MCTP1: variants seen among roughly 807,000 people sequenced by gnomAD.
MCTP1 encodes the protein multiple C2 and transmembrane domain-containing protein 1.
A neutral mutation model predicts 120.6 loss-of-function variants in MCTP1; 69 were observed. The ratio of observed to expected loss-of-function variants is 0.57; its 90% CI spans 0.47 to 0.70. The LOEUF is 0.70. MCTP1 is among the 30% of genes least tolerant of loss of function. The probability of loss-of-function intolerance (pLI) is 0.00; values close to 1 mark genes in which losing one functional copy is unlikely to be tolerated. For missense variants in MCTP1, 1,203 were observed against 1,248.8 expected, an observed-to-expected ratio of 0.96 and a Z score of 0.55; for synonymous variants, 529 against 493.1, an observed-to-expected ratio of 1.07 and a Z score of -0.96.
chr5:95,217,016 T>C lies in MCTP1; in HGVS notation c.720+66840A>G, dbSNP rs546369669. ...AGGGTATATCACTAGCAGATGCGTA[T>C]ATACAGCCCTAGTGGAATCCACAAC... On this transcript the variant is annotated intron_variant, in intron 1 of 22. Transcript: ENST00000515393. Among the ~76,000 whole-genome samples the C allele has an allele frequency of 1.5e-3, 223 of 152,326 alleles. 1 individual carries two copies. The highest frequency in any genetic ancestry group is 3.5e-3 in the Admixed American group (53 of 15,296).
intron 1 of MCTP1, chr5:95,037,990 T>C (rs1841653608): frequency 7.7e-6 from 2 of 260,772 alleles, no homozygotes; most frequent in Non-Finnish European, 1.2e-5. Flanking sequence ...CTTGCTTTGA[T>C]TCTACAAATA....
intron 2 of MCTP1, among the ~76,000 whole-genome samples, chr5:95,007,384 G>A (rs1703684156): frequency 6.6e-6 from 1 of 152,158 alleles, no homozygotes; most frequent in South Asian, 2.1e-4. Context: ...AGCACATGTG[G>A]TAAGGTGGCA....
At chr5:94,959,583 A>G (rs1823607190) in intron 2 of MCTP1, among the ~76,000 whole-genome samples, 1 of 152,232 alleles carries the variant, frequency 6.6e-6, no homozygotes, top group South Asian at 2.1e-4. Context: ...TCAGGATACA[A>G]AGTCAATGTG....
At position 94,940,126 on chromosome 5, in the gene MCTP1, G is replaced by C. The variant is rs756948097; in HGVS notation, c.1131C>G (p.Leu377=). Residue 377 remains leucine, a synonymous_variant, in exon 5 of 23, where the codon CTC becomes CTG. Coordinates refer to ENST00000515393, the MANE Select transcript of MCTP1 (RefSeq NM_024717.7). Reference sequence around the variant, plus strand: ...CTTCTTTAGGGGTAAGGATGACTGAGAGCAAAATGATTCCAAGATCATGGT... The same window carrying C: ...CTTCTTTAGGGGTAAGGATGACTGACAGCAAAATGATTCCAAGATCATGGT... The part of the protein sequence containing the change: ...YPDHDLGIIL[L]SVILTPKEGE... The C allele has an allele frequency of 9.3e-6, 15 of 1,610,058 alleles. No homozygotes were observed. Among genetic ancestry groups the C allele is most frequent in the Non-Finnish European group, 1.3e-5 (15 of 1,177,288 alleles).
At chr5:94,803,302 T>A (rs1262407869) in intron 17 of MCTP1, among the ~76,000 whole-genome samples, 1 of 152,232 alleles carries the variant, frequency 6.6e-6, no homozygotes, top group Non-Finnish European at 1.5e-5. Context: ...TTGAGAGTTT[T>A]ACTCATTATC....
chr5:94,912,431 A>G (rs1238343634), intron 9 of MCTP1, among the ~76,000 whole-genome samples: 2 of 35,346 alleles, frequency 5.7e-5, no homozygotes, highest in East Asian at 8.6e-4. Context: ...ACTCCATCAA[A>G]AAAAAAAAAA....
intron 2 of MCTP1, among the ~76,000 whole-genome samples, chr5:94,963,354 A>ATTTTT (rs754461255): frequency 7.3e-6 from 1 of 136,754 alleles, no homozygotes; most frequent in Non-Finnish European, 1.6e-5. Flanking sequence ...TTGTAATTCT[A>ATTTTT]TTTTTTTTTT....
intron 19 of MCTP1, among the ~76,000 whole-genome samples, chr5:94,727,889 T>TC (rs1278974507): frequency 1.3e-5 from 2 of 152,094 alleles, no homozygotes; most frequent in East Asian, 2.0e-4. Flanking sequence ...ATAATAGAGT[T>TC]CTTCAATGAA....
intron 1 of MCTP1, among the ~76,000 whole-genome samples, chr5:95,195,740 T>C (rs867820364): frequency 6.6e-6 from 1 of 151,764 alleles, no homozygotes; most frequent in African/African-American, 2.4e-5. Flanking sequence ...ATGTAAACAA[T>C]AATTCCTAGA....
intron 1 of MCTP1, among the ~76,000 whole-genome samples, chr5:95,095,749 T>C (rs1756211901): frequency 6.6e-6 from 1 of 152,218 alleles, no homozygotes; most frequent in Non-Finnish European, 1.5e-5. Context: ...TTGTACCTTA[T>C]GTTGAATTTG....
chr5:95,059,208 C>CAT (rs60609185), intron 1 of MCTP1, among the ~76,000 whole-genome samples: 93,804 of 149,492 alleles, frequency 0.63, 29,340 homozygotes, highest in Non-Finnish European at 0.68. Flanking sequence ...GAAAATGTGG[C>CAT]ATATATATAT....
At chr5:94,983,639 TTATC>T (rs1163979447) in intron 2 of MCTP1, among the ~76,000 whole-genome samples, 1 of 67,060 alleles carries the variant, frequency 1.5e-5, no homozygotes, top group Non-Finnish European at 3.4e-5. Context: ...GATCCTATCT[TTATC>T]TGTCTGTCTG....
At chr5:94,800,470 T>C (rs986156641) in intron 17 of MCTP1, among the ~76,000 whole-genome samples, 2 of 152,158 alleles carry the variant, frequency 1.3e-5, no homozygotes, top group African/African-American at 2.4e-5. Context: ...GTCTTCTTAA[T>C]AAATCTCAGT....
At chr5:95,026,284 T>C (rs1171707781) in intron 1 of MCTP1, among the ~76,000 whole-genome samples, 1 of 152,190 alleles carries the variant, frequency 6.6e-6, no homozygotes, top group Non-Finnish European at 1.5e-5. Flanking sequence ...CATTTACCCT[T>C]TGCGTTACAT....
At chr5:95,174,288 AT>A (rs1747712697) in intron 1 of MCTP1, among the ~76,000 whole-genome samples, 1 of 152,112 alleles carries the variant, frequency 6.6e-6, no homozygotes, top group African/African-American at 2.4e-5. Context: ...TGTCCAGCAC[AT>A]TTTTTTCAAA....
At chr5:95,166,604 G>A (rs752411010) in intron 1 of MCTP1, among the ~76,000 whole-genome samples, 10 of 128,858 alleles carry the variant, frequency 7.8e-5, no homozygotes, top group African/African-American at 2.4e-4. Context: ...AGTCTCACTC[G>A]TCACCCAGGC....
intron 1 of MCTP1, among the ~76,000 whole-genome samples, chr5:95,248,012 G>A (rs1756992149): frequency 6.6e-6 from 1 of 152,038 alleles, no homozygotes; most frequent in Non-Finnish European, 1.5e-5. Flanking sequence ...AGGTTTTGAT[G>A]GAACATATCT....
intron 1 of MCTP1, among the ~76,000 whole-genome samples, chr5:95,176,638 G>A (rs10067492): frequency 0.16 from 23,604 of 151,864 alleles, 2,275 homozygotes; most frequent in Non-Finnish European, 0.22. Flanking sequence ...TTGTGAGTCC[G>A]GGAGTTTGAG....
intron 18 of MCTP1, among the ~76,000 whole-genome samples, chr5:94,787,811 T>C (rs562586889): frequency 6.6e-6 from 1 of 152,068 alleles, no homozygotes; most frequent in Non-Finnish European, 1.5e-5. Flanking sequence ...AGAGACGGGG[T>C]TTCACTGGGT....
Sources: allele counts gnomAD v4.1 joint callset (sites outside exome capture counted in the v4.1 genomes callset), GRCh38; gene constraint gnomAD v4.1.1; transcripts MANE v1.5; gene names NCBI Gene and HGNC (gene_info 2026-07-23, HGNC 2026-07-21).